The following FAM110B variants were observed in gnomAD, a reference collection of about 807,000 sequenced individuals.
FAM110B encodes the protein family with sequence similarity 110 member B, also known as protein FAM110B.
FAM110B carries 6 observed loss-of-function variants against 20.4 expected under a neutral mutation model. The ratio of observed to expected loss-of-function variants is 0.29; its 90% confidence interval spans 0.16 to 0.58. The LOEUF is 0.58. Ranked by LOEUF, FAM110B falls within the 20% of genes least tolerant of loss-of-function variation. FAM110B has a pLI of 0.90. For synonymous variants in FAM110B, 226 were observed against 214.1 expected, an observed-to-expected ratio of 1.06 and a Z score of -0.49; for missense variants, 434 against 498.2, an observed-to-expected ratio of 0.87 and a Z score of 1.23.
chr8:58,123,798 G>T (rs568372505), intron 3 of FAM110B, among the ~76,000 whole-genome samples: 1 of 152,084 alleles, frequency 6.6e-6, no homozygotes, highest in Non-Finnish European at 1.5e-5. Flanking sequence ...ACTTGTTTTC[G>T]TAGCTGTCGT....
chr8:58,120,011 A>G (rs1244569381), intron 3 of FAM110B, among the ~76,000 whole-genome samples: 1 of 152,128 alleles, frequency 6.6e-6, no homozygotes, highest in African/African-American at 2.4e-5. Flanking sequence ...CCAAATTCAT[A>G]CCTTCAGTCA....
rs144248978 is a variant in FAM110B at position 58,033,911 on chromosome 8, A to C, written c.-414+2208A>C. On this transcript the variant is annotated intron_variant, in intron 2 of 3. Transcript: ENST00000519262. The stretch of plus-strand genomic sequence containing the variant: ...ATGCCAGAGCATTGCTGCTGGTCTC[A>C]GGCTCAACCCTCCTACTACCTTTCC... Among the ~76,000 whole-genome samples, 494 of 152,172 alleles carry C rather than the reference A, an allele frequency of 3.2e-3. 5 individuals carry two copies. Among genetic ancestry groups the C allele is most frequent in the African/African-American group, 0.011 (473 of 41,520 alleles).
At chr8:58,061,422 A>T (rs552434947) in intron 2 of FAM110B, among the ~76,000 whole-genome samples, 1 of 152,166 alleles carries the variant, frequency 6.6e-6, no homozygotes, top group African/African-American at 2.4e-5. Context: ...ATGATAAAAA[A>T]CATTCATCAT....
At chr8:58,037,234 T>G (rs920247774) in intron 2 of FAM110B, among the ~76,000 whole-genome samples, 1 of 152,096 alleles carries the variant, frequency 6.6e-6, no homozygotes, top group Admixed American at 6.5e-5. Flanking sequence ...AAAACAGTAC[T>G]TTTAGTGATT....
chr8:58,033,114 G>C (rs1321923809), intron 2 of FAM110B, among the ~76,000 whole-genome samples: 1 of 151,928 alleles, frequency 6.6e-6, no homozygotes, highest in African/African-American at 2.4e-5. Flanking sequence ...TTATATCCAT[G>C]TGTACTCAAT....
At chr8:58,128,305 G>A (rs1292097629) in intron 3 of FAM110B, among the ~76,000 whole-genome samples, 1 of 152,186 alleles carries the variant, frequency 6.6e-6, no homozygotes, top group South Asian at 2.1e-4. Context: ...TCTGCTCTGC[G>A]TTCAGTGTTC....
chr8:58,088,643 G>GT (rs1476835607), intron 3 of FAM110B, among the ~76,000 whole-genome samples: 3 of 152,164 alleles, frequency 2.0e-5, no homozygotes, highest in African/African-American at 2.4e-5. Flanking sequence ...TTGTGTAGAA[G>GT]TTACAAGGAA....
intron 1 of FAM110B, among the ~76,000 whole-genome samples, chr8:58,004,291 A>C (rs141364858): frequency 2.2e-3 from 337 of 152,252 alleles, no homozygotes; most frequent in Admixed American, 3.9e-3. Context: ...TCTTCTTCCA[A>C]TATAAGGCCA....
At chr8:58,030,812 T>C (rs145827007) in intron 1 of FAM110B, among the ~76,000 whole-genome samples, 2 of 152,304 alleles carry the variant, frequency 1.3e-5, no homozygotes, top group Non-Finnish European at 2.9e-5. Flanking sequence ...TTCAACACAG[T>C]ATTTTCTTTA....
intron 1 of FAM110B, among the ~76,000 whole-genome samples, chr8:58,003,826 C>G (rs1310907926): frequency 6.6e-6 from 1 of 152,138 alleles, no homozygotes; most frequent in Non-Finnish European, 1.5e-5. Context: ...CTTAAGAGCC[C>G]TGGGACATTC....
chr8:58,101,614 G>A (rs1369038145), intron 3 of FAM110B, among the ~76,000 whole-genome samples: 2 of 150,850 alleles, frequency 1.3e-5, no homozygotes, highest in Non-Finnish European at 2.9e-5. Flanking sequence ...ATAAACTGAA[G>A]TATTTATTAA....
At chr8:58,011,598 C>T (rs1041597563) in intron 1 of FAM110B, among the ~76,000 whole-genome samples, 8 of 152,146 alleles carry the variant, frequency 5.3e-5, no homozygotes, top group African/African-American at 1.9e-4. Context: ...GTGTAGGACT[C>T]TCGTGTGATA....
chr8:58,087,250 C>T (rs142121880), intron 3 of FAM110B, among the ~76,000 whole-genome samples: 10 of 152,314 alleles, frequency 6.6e-5, no homozygotes, highest in Non-Finnish European at 1.3e-4. Context: ...AAGAAACCAG[C>T]GCTGTGCGTC....
chr8:58,072,003 G>A (rs1417354375), intron 2 of FAM110B, among the ~76,000 whole-genome samples: 7 of 152,042 alleles, frequency 4.6e-5, no homozygotes, highest in Non-Finnish European at 7.4e-5. Context: ...CTCCTCTCTC[G>A]TTTCCCTCCC....
chr8:58,012,397 A>G (rs1804556581), intron 1 of FAM110B, among the ~76,000 whole-genome samples: 1 of 152,098 alleles, frequency 6.6e-6, no homozygotes, highest in African/African-American at 2.4e-5. Context: ...GATGGAAGTT[A>G]TTTTGTTCAA....
At chr8:58,088,515 G>A (rs1806393903) in intron 3 of FAM110B, among the ~76,000 whole-genome samples, 1 of 152,170 alleles carries the variant, frequency 6.6e-6, no homozygotes, top group Admixed American at 6.5e-5. Context: ...GATTGTATAT[G>A]CTTCTTTTTA....
At chr8:58,108,471 CA>C (rs1205902858) in intron 3 of FAM110B, among the ~76,000 whole-genome samples, 1 of 152,160 alleles carries the variant, frequency 6.6e-6, no homozygotes, top group Non-Finnish European at 1.5e-5. Flanking sequence ...AAACAACACA[CA>C]GAACCTCTCC....
chr8:58,004,352 G>T (rs1385176252), intron 1 of FAM110B, among the ~76,000 whole-genome samples: 1 of 152,214 alleles, frequency 6.6e-6, no homozygotes, highest in Non-Finnish European at 1.5e-5. Context: ...CTTCATCAAT[G>T]ATCTTAGCTC....
intron 2 of FAM110B, among the ~76,000 whole-genome samples, chr8:58,059,801 G>C (rs1439674030): frequency 1.3e-5 from 2 of 151,948 alleles, no homozygotes; most frequent in Non-Finnish European, 2.9e-5. Flanking sequence ...TGCAACTCTA[G>C]AACATTTTTA....
Sources: allele counts gnomAD v4.1 joint callset (sites outside exome capture counted in the v4.1 genomes callset), GRCh38; gene constraint gnomAD v4.1.1; transcripts MANE v1.5; gene names NCBI Gene and HGNC (gene_info 2026-07-23, HGNC 2026-07-21).